EPM2A: variants seen among roughly 807,000 people sequenced by gnomAD.
EPM2A encodes the protein laforin.
A neutral mutation model predicts 26.5 loss-of-function variants in EPM2A; 21 were observed. The ratio of observed to expected loss-of-function variants is 0.79; its 90% CI spans 0.56 to 1.14. The LOEUF is 1.14. Ranked by LOEUF, EPM2A falls within the 50% of genes most tolerant of loss-of-function variation. The pLI, the probability that EPM2A is intolerant of heterozygous loss-of-function variation, is 0.00. For synonymous variants in EPM2A, 217 were observed against 177.6 expected, an observed-to-expected ratio of 1.22 and a Z score of -1.76; for missense variants, 458 against 440.8, an observed-to-expected ratio of 1.04 and a Z score of -0.35.
Position 145,694,016 on chromosome 6 carries a change from C to T in EPM2A, c.302-7720G>A, listed in dbSNP as rs151012680. 1.5e-4 allele frequency among the ~76,000 whole-genome samples: 23 copies of T among 151,884 alleles called. No individual in the cohort carries two copies. In the South Asian group the frequency reaches 1.9e-3, roughly 12 times the overall value. ...CATAGTTCTATAAGTTTGAGAGTTT[C>T]GGTTAAAATATGTGTATTTCTTAAT... On this transcript the variant is annotated intron_variant, in intron 1 of 3. Coordinates refer to ENST00000367519, the MANE Select transcript of EPM2A (RefSeq NM_005670.4).
chr6:145,471,504 A>G lies in EPM2A; in HGVS notation c.555+31018T>C, dbSNP rs554264585. On this transcript the variant is annotated intron_variant, in intron 4 of 4. Coordinates refer to the EPM2A transcript ENST00000638717. ...TTCACTTCATATCTCTGAGAGAGGC[A>G]CTGACGAGATAAAAAAGACAGTAAG... Among the ~76,000 whole-genome samples, 23 of 152,236 alleles carry G rather than the reference A, an allele frequency of 1.5e-4. No individual in the cohort carries two copies. In the East Asian group the frequency reaches 4.5e-3, roughly 29 times the overall value.
intron 2 of EPM2A, among the ~76,000 whole-genome samples, chr6:145,680,888 G>A (rs1290454538): frequency 1.3e-5 from 2 of 151,250 alleles, no homozygotes; most frequent in East Asian, 2.0e-4. Context: ...ATGATTTATA[G>A]TCCTTTGGGT....
At chr6:145,701,322 G>C (rs1222503622) in intron 1 of EPM2A, among the ~76,000 whole-genome samples, 1 of 152,170 alleles carries the variant, frequency 6.6e-6, no homozygotes, top group Non-Finnish European at 1.5e-5. Flanking sequence ...AGGTAGCCCA[G>C]AGCTGGTCAA....
At chr6:145,526,730 C>A (rs1265129251) in intron 2 of EPM2A, among the ~76,000 whole-genome samples, 2 of 152,042 alleles carry the variant, frequency 1.3e-5, no homozygotes, top group African/African-American at 4.8e-5. Flanking sequence ...TATATCCTTT[C>A]AAAGAACCAA....
At chr6:145,489,544 T>TAACTTTG in intron 4 of EPM2A, 2 of 677,560 alleles carry the variant, frequency 3.0e-6, no homozygotes, top group Middle Eastern at 8.5e-4. Context: ...TTGGTCCACT[T>TAACTTTG]GTCTGTTAGC....
chr6:145,593,365 A>G lies in EPM2A; in HGVS notation c.340+41880T>C, dbSNP rs552858017. Among the ~76,000 whole-genome samples the G allele has an allele frequency of 7.6e-4, 116 of 152,262 alleles. 2 individuals carry two copies. The highest frequency in any genetic ancestry group is 1.3e-3 in the Non-Finnish European group (87 of 67,962). On this transcript the variant is annotated intron_variant, in intron 2 of 3. Coordinates refer to the EPM2A transcript ENST00000450221. ...CTTCAACACACCTTTTCAGTAATTG[A>G]TAAATCAAGCAGGCAGAACATCAGT... is the stretch of plus-strand genomic sequence containing the variant.
downstream of EPM2A, among the ~76,000 whole-genome samples, chr6:145,497,437 C>T (rs1329030990): frequency 6.6e-6 from 1 of 152,300 alleles, no homozygotes; most frequent in African/African-American, 2.4e-5. Flanking sequence ...CAGTGGGGTA[C>T]AGACATGTTG....
At chr6:145,639,058 A>C (rs937679585) in intron 2 of EPM2A, 9 of 152,358 alleles carry the variant, frequency 5.9e-5, no homozygotes, top group Non-Finnish European at 1.0e-4. Context: ...GGTGAAAAGA[A>C]GCCTGTTGAC....
intron 2 of EPM2A, among the ~76,000 whole-genome samples, chr6:145,681,110 T>C (rs1780495918): frequency 6.6e-6 from 1 of 152,218 alleles, no homozygotes; most frequent in Non-Finnish European, 1.5e-5. Context: ...GGTATCTAAT[T>C]GTGGTTTTGA....
chr6:145,595,485 T>TATCG (rs1554253647), intron 2 of EPM2A, among the ~76,000 whole-genome samples: 1 of 112,330 alleles, frequency 8.9e-6, no homozygotes, highest in Non-Finnish European at 1.9e-5. Context: ...AAAAAATTTA[T>TATCG]ATTGATTTTA....
chr6:145,670,234 T>C (rs537244383), intron 2 of EPM2A: 6 of 152,312 alleles, frequency 3.9e-5, no homozygotes, highest in African/African-American at 1.2e-4. Context: ...ATTGCTCTGA[T>C]CTCTTTTGTA....
At chr6:145,475,682 G>C (rs1251559749) in intron 4 of EPM2A, among the ~76,000 whole-genome samples, 1 of 151,868 alleles carries the variant, frequency 6.6e-6, no homozygotes, top group Non-Finnish European at 1.5e-5. Context: ...TTTTCTTTCT[G>C]TTTGTTCATT....
At chr6:145,398,715 C>T (rs1778440951) in intron 4 of EPM2A, among the ~76,000 whole-genome samples, 1 of 152,012 alleles carries the variant, frequency 6.6e-6, no homozygotes, top group African/African-American at 2.4e-5. Flanking sequence ...CAAACATTAG[C>T]TGGCTGAGGT....
intron 2 of EPM2A, among the ~76,000 whole-genome samples, chr6:145,617,901 C>T (rs1316834629): frequency 6.6e-6 from 1 of 152,154 alleles, no homozygotes; most frequent in Non-Finnish European, 1.5e-5. Context: ...TGTTATCGCA[C>T]CACTGTACTC....
chr6:145,571,922 A>G (rs141103444), intron 2 of EPM2A, among the ~76,000 whole-genome samples: 141 of 152,330 alleles, frequency 9.3e-4, no homozygotes, highest in African/African-American at 3.2e-3. Flanking sequence ...TACATGGGAT[A>G]AAAATATCTT....
intron 2 of EPM2A, among the ~76,000 whole-genome samples, chr6:145,618,243 T>G (rs1775556887): frequency 6.6e-6 from 1 of 152,214 alleles, no homozygotes; most frequent in East Asian, 1.9e-4. Flanking sequence ...GGGAAGAGGA[T>G]TCCAGGCAGA....
intron 3 of EPM2A, chr6:145,631,950 G>A (rs1223338680): frequency 6.6e-6 from 1 of 151,096 alleles, no homozygotes; most frequent in Admixed American, 6.6e-5. Context: ...ATATTATGTG[G>A]GGGGCATATT....
chr6:145,718,195 A>T (rs1775746780), intron 1 of EPM2A, among the ~76,000 whole-genome samples: 1 of 152,030 alleles, frequency 6.6e-6, no homozygotes, highest in African/African-American at 2.4e-5. Context: ...AGTTGGAGGC[A>T]TCACACTACC....
chr6:145,546,278 T>C (rs1345914827), intron 2 of EPM2A, among the ~76,000 whole-genome samples: 1 of 152,044 alleles, frequency 6.6e-6, no homozygotes, highest in African/African-American at 2.4e-5. Context: ...AGAATCTGGA[T>C]CTCTGATATT....
Sources: gnomAD v4.1 joint callset for allele counts (sites outside exome capture counted in the v4.1 genomes callset) on GRCh38, gnomAD v4.1.1 for gene constraint, MANE v1.5 for transcripts, NCBI Gene and HGNC (gene_info 2026-07-23, HGNC 2026-07-21) for gene names.